The following ARHGEF3 variants were observed in gnomAD, a reference collection of about 807,000 sequenced individuals.
ARHGEF3 encodes 59.8 kDA protein.
Under a neutral mutation model 63.2 loss-of-function variants are expected in ARHGEF3, and 28 were observed. The ratio of observed to expected loss-of-function variants is 0.44; its 90% CI spans 0.33 to 0.61. The LOEUF (loss-of-function observed/expected upper bound fraction) is 0.61, where lower values mean the gene tolerates loss of function less well. Among genes scored for constraint, ARHGEF3 ranks in the 20% least tolerant of loss-of-function variants. The probability of loss-of-function intolerance (pLI) is 0.03; values close to 1 mark genes in which losing one functional copy is unlikely to be tolerated. For missense variants in ARHGEF3, 533 were observed against 659.3 expected, an observed-to-expected ratio of 0.81 and a Z score of 2.10; for synonymous variants, 266 against 254.2, an observed-to-expected ratio of 1.05 and a Z score of -0.44.
rs573924591 is a variant in ARHGEF3, at chr3:56,997,371, G to T, written c.62+37717C>A. Reference sequence around the variant, plus strand: ...TTTGGTCACTTCTGCCCAGTCCATGGCCTGGAAGACAGTCGGGCCCAGGGA... The same window carrying T: ...TTTGGTCACTTCTGCCCAGTCCATGTCCTGGAAGACAGTCGGGCCCAGGGA... On this transcript the variant is annotated intron_variant, in intron 2 of 12. Coordinates refer to the ARHGEF3 transcript ENST00000338458. 3.9e-5 allele frequency among the ~76,000 whole-genome samples: 6 copies of T among 152,302 alleles called. No individual in the cohort carries two copies. In the East Asian group the frequency reaches 7.7e-4, roughly 20 times the overall value.
intron 2 of ARHGEF3, among the ~76,000 whole-genome samples, chr3:56,994,046 A>G (rs1701871919): frequency 9.0e-6 from 1 of 110,868 alleles, no homozygotes; most frequent in South Asian, 3.2e-4. Flanking sequence ...CCTGGGCGAC[A>G]AGAGTGAAAC....
intron 2 of ARHGEF3, among the ~76,000 whole-genome samples, chr3:57,023,668 C>T (rs1191935020): frequency 3.3e-5 from 5 of 152,196 alleles, no homozygotes; most frequent in South Asian, 2.1e-4. Context: ...TCTTTGCTTC[C>T]GGCACATCAC....
At chr3:56,850,561 T>C (rs1418581345) in intron 4 of ARHGEF3, among the ~76,000 whole-genome samples, 1 of 152,100 alleles carries the variant, frequency 6.6e-6, no homozygotes, top group East Asian at 1.9e-4. Context: ...AGTTGGTTAT[T>C]TGGAACCTGA....
chr3:56,734,332 G>C (rs1287122562), intron 8 of ARHGEF3, among the ~76,000 whole-genome samples: 1 of 152,214 alleles, frequency 6.6e-6, no homozygotes, highest in Non-Finnish European at 1.5e-5. Context: ...GGAGAGACCA[G>C]AAGAGGAGAG....
chr3:57,003,159 T>C (rs1399581550), intron 2 of ARHGEF3, among the ~76,000 whole-genome samples: 1 of 151,240 alleles, frequency 6.6e-6, no homozygotes, highest in Non-Finnish European at 1.5e-5. Context: ...TAATCCCAGC[T>C]CTTTGGGAGG....
At chr3:57,053,816 G>A (rs1038035764) in intron 1 of ARHGEF3, among the ~76,000 whole-genome samples, 9 of 152,196 alleles carry the variant, frequency 5.9e-5, no homozygotes, top group African/African-American at 2.2e-4. Context: ...TTTTATCCGC[G>A]TTGTGGCATG....
At chr3:56,984,770 GA>G (rs1011639490) in intron 2 of ARHGEF3, among the ~76,000 whole-genome samples, 2 of 152,126 alleles carry the variant, frequency 1.3e-5, no homozygotes, top group African/African-American at 2.4e-5. Context: ...ACAGAGGAAA[GA>G]AAAATATTTG....
At chr3:56,774,584 T>G (rs1388252209) in intron 1 of ARHGEF3, among the ~76,000 whole-genome samples, 1 of 152,122 alleles carries the variant, frequency 6.6e-6, no homozygotes, top group Non-Finnish European at 1.5e-5. Context: ...CCAAGGACTT[T>G]GCAGACAAGA....
intron 2 of ARHGEF3, among the ~76,000 whole-genome samples, chr3:57,017,493 A>G (rs1703070434): frequency 6.6e-6 from 1 of 152,212 alleles, no homozygotes; most frequent in Admixed American, 6.5e-5. Flanking sequence ...TTTTCAAAAT[A>G]AAAAGGCCGA....
intron 2 of ARHGEF3, among the ~76,000 whole-genome samples, chr3:56,762,014 G>A (rs145082195): frequency 7.2e-4 from 109 of 152,284 alleles, no homozygotes; most frequent in African/African-American, 2.5e-3. Context: ...ATTCTTTATT[G>A]TGGGAGGCTC....
chr3:56,787,430 T>A (rs555556831), intron 1 of ARHGEF3, among the ~76,000 whole-genome samples: 85 of 152,040 alleles, frequency 5.6e-4, no homozygotes, highest in Non-Finnish European at 1.0e-3. Flanking sequence ...CTGACGCAGG[T>A]GTGACTCTTG....
intron 3 of ARHGEF3, among the ~76,000 whole-genome samples, chr3:56,906,080 G>T (rs2041674928): frequency 6.6e-6 from 1 of 151,952 alleles, no homozygotes; most frequent in African/African-American, 2.4e-5. Context: ...GGGCAGGCTG[G>T]TCTCAAACTC....
chr3:56,872,613 G>A (rs137946188), intron 4 of ARHGEF3, among the ~76,000 whole-genome samples: 2 of 151,312 alleles, frequency 1.3e-5, no homozygotes, highest in Non-Finnish European at 2.9e-5. Flanking sequence ...TGGTTCAAGC[G>A]ACTCTCCTGC....
At chr3:56,910,465 A>T (rs1265355112) in intron 3 of ARHGEF3, among the ~76,000 whole-genome samples, 1 of 152,196 alleles carries the variant, frequency 6.6e-6, no homozygotes, top group Admixed American at 6.5e-5. Flanking sequence ...AAAGCATGTA[A>T]AGTGGACCCC....
intron 1 of ARHGEF3, among the ~76,000 whole-genome samples, chr3:57,054,869 T>G (rs2107318553): frequency 6.6e-6 from 1 of 151,822 alleles, no homozygotes; most frequent in East Asian, 2.0e-4. Context: ...CAGTATGATC[T>G]CAATCTCCTG....
chr3:56,836,590 AC>A (rs1362301908), intron 4 of ARHGEF3, among the ~76,000 whole-genome samples: 1 of 151,684 alleles, frequency 6.6e-6, no homozygotes, highest in African/African-American at 2.4e-5. Flanking sequence ...AATGATACAA[AC>A]CAGTTCTAAA....
At chr3:56,750,420 G>A (rs2034666511) in intron 6 of ARHGEF3, among the ~76,000 whole-genome samples, 1 of 152,096 alleles carries the variant, frequency 6.6e-6, no homozygotes, top group Non-Finnish European at 1.5e-5. Flanking sequence ...TTAGGAAAAG[G>A]AATGGATTAT....
rs190210446 is a variant in ARHGEF3, at chr3:56,795,804, G to C, written c.96+5899C>G. Among the ~76,000 whole-genome samples, 8 of 152,000 alleles carry C rather than the reference G, an allele frequency of 5.3e-5. 1 individual carries two copies. The highest frequency in any genetic ancestry group is 1.9e-4 in the African/African-American group (8 of 41,456). ...TTACAGGTGTGTGCCACCACGCCTG[G>C]CTAATTTTTGAATTTTTAGTAGAGA... On this transcript the variant is annotated intron_variant, in intron 1 of 9. Transcript: ENST00000296315.
chr3:56,750,927 T>A, intron 6 of ARHGEF3, 129 bp downstream of exon 6: 1 of 595,270 alleles, frequency 1.7e-6, no homozygotes, highest in Non-Finnish European at 2.6e-6. Flanking sequence ...TTACTAGGAT[T>A]TTTTTTTCTG....
Sources: gnomAD v4.1 joint callset for allele counts (sites outside exome capture counted in the v4.1 genomes callset) on GRCh38, gnomAD v4.1.1 for gene constraint, MANE v1.5 for transcripts, NCBI Gene and HGNC (gene_info 2026-07-23, HGNC 2026-07-21) for gene names.